The following EPB41L5 variants were observed in gnomAD, a reference collection of about 807,000 sequenced individuals.
EPB41L5 encodes erythrocyte membrane protein band 4.1 like 5, also known as band 4.1-like protein 5.
In EPB41L5, 55 loss-of-function variants were observed where a neutral mutation model predicts 106.6. The observed-to-expected ratio is 0.52, with a 90% CI of 0.42 to 0.65. The LOEUF (loss-of-function observed/expected upper bound fraction) is 0.65, where lower values mean the gene tolerates loss of function less well. Among genes scored for constraint, EPB41L5 ranks in the 30% least tolerant of loss-of-function variants. The probability of loss-of-function intolerance (pLI) is 0.00; values close to 1 mark genes in which losing one functional copy is unlikely to be tolerated. For missense variants in EPB41L5, 871 were observed against 882.1 expected (o/e 0.99, Z 0.16); for synonymous variants, 297 against 306.7 (o/e 0.97, Z 0.33).
At chr2:120,152,961 T>C (rs1686743926) in intron 20 of EPB41L5, among the ~76,000 whole-genome samples, 1 of 152,218 alleles carries the variant, frequency 6.6e-6, no homozygotes. Flanking sequence ...ATTTCTGATA[T>C]TAGTTGAATC....
intron 16 of EPB41L5, chr2:120,103,921 T>A: frequency 2.3e-6 from 2 of 888,108 alleles, no homozygotes; most frequent in Non-Finnish European, 3.0e-6. Context: ...TATCATTGCA[T>A]GGAGTAGATG....
chr2:120,080,203 C>T lies in EPB41L5; in HGVS notation c.803+1622C>T, dbSNP rs547438645. On this transcript the variant is annotated intron_variant, in intron 10 of 24. Transcript: ENST00000263713. ...ATACATGCGCCAAGTTGGTGTGCTG[C>T]ACCGATTAACTCGTCATTTACATTA... is the stretch of plus-strand genomic sequence containing the variant. Among the ~76,000 whole-genome samples, 6 of 151,888 alleles carry T rather than the reference C, an allele frequency of 4.0e-5. No homozygotes were observed. The South Asian group carries it at 8.3e-4, about 21-fold the overall frequency.
At chr2:120,119,028 C>T (rs1364179788) in intron 16 of EPB41L5, among the ~76,000 whole-genome samples, 1 of 152,188 alleles carries the variant, frequency 6.6e-6, no homozygotes, top group Non-Finnish European at 1.5e-5. Context: ...AATAGCCTTT[C>T]TCCATGGTGT....
rs182171910 is a variant in EPB41L5, at chr2:120,112,009, C to T, written c.1337+11195C>T. On this transcript the variant is annotated intron_variant, in intron 16 of 24. Transcript: ENST00000263713. ...CCCTTCAATCTCTTATGGTTCATTC[C>T]GGCACCATCAGGTTTCTTATTGGAG... Among the ~76,000 whole-genome samples the T allele has an allele frequency of 3.6e-3, 546 of 152,182 alleles. 3 individuals are homozygous for T. Among genetic ancestry groups the T allele is most frequent in the Non-Finnish European group, 4.5e-3 (309 of 68,018 alleles).
chr2:120,172,252 C>T (rs1404897584), intron 24 of EPB41L5, among the ~76,000 whole-genome samples: 1 of 152,054 alleles, frequency 6.6e-6, no homozygotes, highest in Non-Finnish European at 1.5e-5. Context: ...AGGAATCAAG[C>T]GTTCTCAGAA....
chr2:120,169,413 C>T (rs1574798753), intron 24 of EPB41L5, among the ~76,000 whole-genome samples: 2 of 152,268 alleles, frequency 1.3e-5, no homozygotes, highest in African/African-American at 4.8e-5. Flanking sequence ...AGTGAACTTA[C>T]TTGTGACCTT....
At chr2:120,147,949 T>G (rs1201278461) in intron 20 of EPB41L5, among the ~76,000 whole-genome samples, 1 of 152,182 alleles carries the variant, frequency 6.6e-6, no homozygotes, top group Admixed American at 6.5e-5. Context: ...TTCTAGATCT[T>G]TTCCTTCTCT....
At chr2:120,109,545 A>G (rs776313927) in intron 16 of EPB41L5, among the ~76,000 whole-genome samples, 1 of 152,198 alleles carries the variant, frequency 6.6e-6, no homozygotes, top group African/African-American at 2.4e-5. Flanking sequence ...TAGGTGAACC[A>G]TCCATACTCT....
intron 20 of EPB41L5, among the ~76,000 whole-genome samples, chr2:120,150,071 T>C (rs1044967186): frequency 6.6e-6 from 1 of 151,880 alleles, no homozygotes; most frequent in Non-Finnish European, 1.5e-5. Context: ...TTTTTTTTCA[T>C]TTCTGGGAGA....
intron 2 of EPB41L5, among the ~76,000 whole-genome samples, chr2:120,035,509 T>A (rs1678989104): frequency 1.3e-5 from 2 of 152,222 alleles, no homozygotes; most frequent in South Asian, 4.1e-4. Flanking sequence ...GCTCTATTAA[T>A]GTTTGTTCAA....
intron 17 of EPB41L5, among the ~76,000 whole-genome samples, chr2:120,129,823 GT>G (rs1685617519): frequency 6.6e-6 from 1 of 152,156 alleles, no homozygotes; most frequent in Non-Finnish European, 1.5e-5. Flanking sequence ...GTAAGGGGAA[GT>G]TTTTTAACTG....
intron 2 of EPB41L5, among the ~76,000 whole-genome samples, chr2:120,033,924 G>C (rs1191149976): frequency 6.6e-6 from 1 of 151,104 alleles, no homozygotes; most frequent in Non-Finnish European, 1.5e-5. Flanking sequence ...TGAGAACTCT[G>C]TCTCTACAGA....
intron 16 of EPB41L5, among the ~76,000 whole-genome samples, chr2:120,123,070 C>T (rs1685299678): frequency 6.6e-6 from 1 of 152,148 alleles, no homozygotes; most frequent in African/African-American, 2.4e-5. Flanking sequence ...GCTCAGCAGT[C>T]CTTGAGCCCA....
intron 20 of EPB41L5, among the ~76,000 whole-genome samples, chr2:120,158,693 C>T (rs986898031): frequency 6.6e-6 from 1 of 152,152 alleles, no homozygotes; most frequent in South Asian, 2.1e-4. Flanking sequence ...CAAGGATGCC[C>T]TCTCTCACCA....
intron 14 of EPB41L5, among the ~76,000 whole-genome samples, chr2:120,098,121 T>A (rs896772899): frequency 1.4e-5 from 2 of 147,340 alleles, no homozygotes; most frequent in Non-Finnish European, 3.0e-5. Context: ...TCTTTAAAAT[T>A]GCCATGGCAG....
chr2:120,164,770 T>C (rs1169703877), intron 21 of EPB41L5, 66 bp from the exon 22 acceptor site: 3 of 1,093,574 alleles, frequency 2.7e-6, no homozygotes, highest in African/African-American at 3.2e-5. Context: ...TGAGAGGATA[T>C]GGAAAAAACT....
At chr2:120,070,011 A>G (rs550502425) in intron 3 of EPB41L5, among the ~76,000 whole-genome samples, 32 of 152,330 alleles carry the variant, frequency 2.1e-4, no homozygotes, top group African/African-American at 7.2e-4. Context: ...CAAAAAATCA[A>G]TGAATCCAGG....
intron 3 of EPB41L5, among the ~76,000 whole-genome samples, chr2:120,048,444 C>T (rs914652478): frequency 3.9e-5 from 6 of 152,042 alleles, no homozygotes; most frequent in Admixed American, 1.3e-4. Flanking sequence ...TGTTTATTTG[C>T]GTAGAGGTGT....
At chr2:120,053,373 G>T (rs1680418609) in intron 3 of EPB41L5, among the ~76,000 whole-genome samples, 1 of 152,080 alleles carries the variant, frequency 6.6e-6, no homozygotes, top group Non-Finnish European at 1.5e-5. Context: ...ATACCATAAA[G>T]TTCACCATTT....
Sources: gnomAD v4.1 joint callset for allele counts (sites outside exome capture counted in the v4.1 genomes callset) on GRCh38, gnomAD v4.1.1 for gene constraint, MANE v1.5 for transcripts, NCBI Gene and HGNC (gene_info 2026-07-23, HGNC 2026-07-21) for gene names.